ADGRB3: variants seen among roughly 807,000 people sequenced by gnomAD.
The protein encoded by ADGRB3 is adhesion G protein-coupled receptor B3.
Under a neutral mutation model 193.4 loss-of-function variants are expected in ADGRB3, and 37 were observed. That is an observed-to-expected ratio of 0.19 (90% CI 0.15 to 0.25). ADGRB3 has a LOEUF of 0.25. Among genes scored for constraint, ADGRB3 ranks in the 10% least tolerant of loss-of-function variants. ADGRB3 has a pLI of 1.00. For synonymous variants in ADGRB3, 690 were observed against 644.2 expected, an observed-to-expected ratio of 1.07 and a Z score of -1.08; for missense variants, 1,637 against 1,852.9, an observed-to-expected ratio of 0.88 and a Z score of 2.14.
intron 17 of ADGRB3, among the ~76,000 whole-genome samples, chr6:69,218,581 A>G (rs1765822963): frequency 6.6e-6 from 1 of 152,162 alleles, no homozygotes. Flanking sequence ...ACACCTAACT[A>G]CTGTAATATA....
At chr6:69,269,185 A>T (rs961273371) in intron 20 of ADGRB3, among the ~76,000 whole-genome samples, 2 of 152,172 alleles carry the variant, frequency 1.3e-5, no homozygotes, top group African/African-American at 4.8e-5. Flanking sequence ...TATAACTAGT[A>T]CAAGTCAGAA....
At chr6:69,283,425 T>G (rs1438394132) in intron 20 of ADGRB3, among the ~76,000 whole-genome samples, 1 of 152,108 alleles carries the variant, frequency 6.6e-6, no homozygotes, top group African/African-American at 2.4e-5. Flanking sequence ...AGTTGCCATA[T>G]TTTTGGGTAG....
At chr6:68,716,462 A>G (rs1372664951) in intron 3 of ADGRB3, among the ~76,000 whole-genome samples, 1 of 151,460 alleles carries the variant, frequency 6.6e-6, no homozygotes, top group East Asian at 1.9e-4. Flanking sequence ...TCTGTAATAT[A>G]GACTGTATTT....
At chr6:68,745,500 A>T (rs977246798) in intron 3 of ADGRB3, among the ~76,000 whole-genome samples, 2 of 152,146 alleles carry the variant, frequency 1.3e-5, no homozygotes, top group Non-Finnish European at 2.9e-5. Context: ...TGAAAAAGTT[A>T]TGAACATCTG....
chr6:68,659,177 T>C (rs1768561405), intron 3 of ADGRB3, among the ~76,000 whole-genome samples: 1 of 151,110 alleles, frequency 6.6e-6, no homozygotes, highest in Admixed American at 6.6e-5. Context: ...ATTTTCTTAA[T>C]TGTGGTAACA....
intron 17 of ADGRB3, among the ~76,000 whole-genome samples, chr6:69,096,492 A>G (rs1175795496): frequency 1.3e-5 from 2 of 151,938 alleles, no homozygotes; most frequent in Non-Finnish European, 2.9e-5. Flanking sequence ...TGCCACTAAA[A>G]TACTTATAAA....
At chr6:69,147,419 A>C (rs1380655291) in intron 17 of ADGRB3, among the ~76,000 whole-genome samples, 1 of 152,134 alleles carries the variant, frequency 6.6e-6, no homozygotes, top group Non-Finnish European at 1.5e-5. Context: ...ATTCGGGAAC[A>C]TATCATTGCA....
intron 3 of ADGRB3, among the ~76,000 whole-genome samples, chr6:68,889,638 G>A (rs530126917): frequency 2.0e-5 from 3 of 151,928 alleles, no homozygotes; most frequent in African/African-American, 7.2e-5. Flanking sequence ...GAGTACCTGG[G>A]ACTACAGGTG....
At chr6:69,093,385 A>G (rs1333401893) in intron 17 of ADGRB3, among the ~76,000 whole-genome samples, 1 of 151,740 alleles carries the variant, frequency 6.6e-6, no homozygotes, top group African/African-American at 2.4e-5. Context: ...TCTTAGATTC[A>G]GGAGAGTCAT....
At chr6:68,834,914 T>C (rs1298830651) in intron 3 of ADGRB3, among the ~76,000 whole-genome samples, 1 of 152,122 alleles carries the variant, frequency 6.6e-6, no homozygotes, top group Admixed American at 6.6e-5. Flanking sequence ...TGAATGTAAG[T>C]ATTTTTTTTT....
intron 3 of ADGRB3, among the ~76,000 whole-genome samples, chr6:68,803,106 TC>T (rs200598912): frequency 0.023 from 3,511 of 152,282 alleles, 67 homozygotes; most frequent in South Asian, 0.075. Context: ...TGACACATTT[TC>T]TCATCCCTGG....
chr6:69,021,589 T>C (rs781176835), intron 13 of ADGRB3, among the ~76,000 whole-genome samples: 1 of 151,906 alleles, frequency 6.6e-6, no homozygotes, highest in Admixed American at 6.6e-5. Flanking sequence ...CTTACTGTCA[T>C]TTCCTAAAGA....
chr6:69,231,128 G>A (rs1194045363), intron 17 of ADGRB3, among the ~76,000 whole-genome samples: 1 of 152,098 alleles, frequency 6.6e-6, no homozygotes, highest in African/African-American at 2.4e-5. Context: ...ATTGCACAAA[G>A]TAAAGTAAAT....
chr6:68,731,447 C>G (rs1765773749), intron 3 of ADGRB3, among the ~76,000 whole-genome samples: 2 of 151,298 alleles, frequency 1.3e-5, no homozygotes, highest in Non-Finnish European at 3.0e-5. Flanking sequence ...ACAAAAAAGC[C>G]CGTAGTTTCA....
chr6:69,258,020 T>C (rs1766820325), intron 20 of ADGRB3, among the ~76,000 whole-genome samples: 1 of 152,136 alleles, frequency 6.6e-6, no homozygotes, highest in African/African-American at 2.4e-5. Flanking sequence ...AGAGGATCCT[T>C]GTTAAGCTTC....
chr6:68,772,890 A>ATAT (rs1554191366), intron 3 of ADGRB3, among the ~76,000 whole-genome samples: 26 of 46,068 alleles, frequency 5.6e-4, no homozygotes, highest in Non-Finnish European at 7.6e-4. Context: ...AACAAAAAAA[A>ATAT]AAAAATATAT....
At chr6:68,676,294 G>A (rs902690476) in intron 3 of ADGRB3, among the ~76,000 whole-genome samples, 7 of 151,370 alleles carry the variant, frequency 4.6e-5, no homozygotes, top group Non-Finnish European at 2.9e-5. Flanking sequence ...AGGAGGCTAA[G>A]GCGAGATAAT....
At chr6:69,088,597 T>C (rs370588179) in intron 17 of ADGRB3, among the ~76,000 whole-genome samples, 26 of 152,300 alleles carry the variant, frequency 1.7e-4, no homozygotes, top group African/African-American at 6.0e-4. Context: ...TGGTCTAAAA[T>C]TCCTGACCTC....
chr6:68,729,721 A>T (rs1237131173), intron 3 of ADGRB3, among the ~76,000 whole-genome samples: 2 of 151,592 alleles, frequency 1.3e-5, no homozygotes, highest in African/African-American at 4.8e-5. Flanking sequence ...TTATGGTGAC[A>T]CTTTTCAGAA....
Sources: gnomAD v4.1 joint callset for allele counts (sites outside exome capture counted in the v4.1 genomes callset) on GRCh38, gnomAD v4.1.1 for gene constraint, MANE v1.5 for transcripts, NCBI Gene and HGNC (gene_info 2026-07-23, HGNC 2026-07-21) for gene names.